Variants in CD44 observed in about 807,000 individuals in gnomAD.
The protein encoded by CD44 is CD44 antigen.
CD44 carries 49 observed loss-of-function variants against 88.8 expected under a neutral mutation model. The observed-to-expected ratio is 0.55, with a 90% CI of 0.44 to 0.70. The LOEUF is 0.70. CD44 is among the 30% of genes least tolerant of loss of function. CD44 has a pLI of 0.00. For missense variants in CD44, 883 were observed against 913.8 expected (o/e 0.97, Z 0.43); for synonymous variants, 325 against 312.3 (o/e 1.04, Z -0.43).
At chr11:35,178,236 C>T (rs1311547738) in intron 2 of CD44, among the ~76,000 whole-genome samples, 2 of 152,238 alleles carry the variant, frequency 1.3e-5, no homozygotes, top group African/African-American at 2.4e-5. Flanking sequence ...ACAAGGCATA[C>T]TTGCAAAATA....
In CD44 at chr11:35,214,902, T is replaced by C. The variant is rs1270822701; in HGVS notation, c.1861T>C (p.Ser621Pro). The C allele has an allele frequency of 1.3e-6, 2 of 1,557,796 alleles. No individual in the cohort carries two copies. The highest frequency in any genetic ancestry group is 2.4e-5 in the East Asian group (1 of 41,572). ...PSGGSHTTHG[S>P]ESDGHSHGSQ... ...TGGGGGGTCCCATACCACTCATGGA[T>C]CTGAATCAGATGGTGAGTTCAAAAC... Residue 621 changes from serine (S) to proline (P), a missense_variant, in exon 15 of 18, where the codon TCT becomes CCT. Transcript: ENST00000428726.
intron 1 of CD44, among the ~76,000 whole-genome samples, chr11:35,149,350 T>C (rs1163227582): frequency 6.6e-6 from 1 of 152,172 alleles, no homozygotes; most frequent in African/African-American, 2.4e-5. Context: ...ATAAGAGTCA[T>C]TTAGAAGGTA....
chr11:35,157,321 GTCTATCTA>G (rs3838798), intron 1 of CD44, among the ~76,000 whole-genome samples: 2,735 of 147,276 alleles, frequency 0.019, 44 homozygotes, highest in African/African-American at 0.046. Context: ...CTGTCTGTCT[GTCTATCTA>G]TCTATCTATC....
intron 17 of CD44, among the ~76,000 whole-genome samples, chr11:35,226,321 C>G (rs777766036): frequency 5.3e-5 from 8 of 152,198 alleles, no homozygotes; most frequent in Non-Finnish European, 1.0e-4. Context: ...CACTTTCCCA[C>G]AATATTTCAT....
chr11:35,210,640 T>A (rs550096160), intron 13 of CD44: 6 of 153,002 alleles, frequency 3.9e-5, no homozygotes, highest in Non-Finnish European at 8.7e-5. Context: ...TTTGCTATGA[T>A]TTCAGTTCTT....
chr11:35,208,214 T>C lies in CD44; in HGVS notation c.1516+8T>C, dbSNP rs573272706. 8 of 1,564,774 alleles carry C rather than the reference T, an allele frequency of 5.1e-6. No individual in the cohort carries two copies. The highest frequency in any genetic ancestry group is 7.0e-6 in the Non-Finnish European group (8 of 1,135,170). The stretch of plus-strand genomic sequence containing the variant: ...CTCTTTCAATGACAACGCGTAAGAA[T>C]AACGATGCTCAGCCACTTTATTGAC... On this transcript the variant is annotated splice_region_variant and intron_variant, in intron 12 of 17. Transcript: ENST00000428726.
At chr11:35,204,685 T>G in intron 10 of CD44, 45 bp downstream of exon 10, 1 of 1,585,834 alleles carries the variant, frequency 6.3e-7, no homozygotes, top group Non-Finnish European at 8.6e-7. Context: ...AACTTCCTTT[T>G]GGGTTAAACG....
intron 1 of CD44, among the ~76,000 whole-genome samples, chr11:35,164,689 G>A (rs1029498273): frequency 6.6e-6 from 1 of 152,228 alleles, no homozygotes; most frequent in African/African-American, 2.4e-5. Context: ...CTCAAACTTT[G>A]CTATCTCCTC....
At chr11:35,155,622 A>G (rs999764910) in intron 1 of CD44, among the ~76,000 whole-genome samples, 60 of 152,206 alleles carry the variant, frequency 3.9e-4, no homozygotes, top group African/African-American at 1.4e-3. Flanking sequence ...ATCTGTTATA[A>G]TTTACAAGAA....
chr11:35,222,405 A>G (rs1949375087), intron 17 of CD44: 1 of 1,299,182 alleles, frequency 7.7e-7, no homozygotes, highest in Non-Finnish European at 1.0e-6. Flanking sequence ...GCATAAGAAG[A>G]GCACTGTTTC....
At chr11:35,220,563 C>A (rs927322225) in intron 16 of CD44, among the ~76,000 whole-genome samples, 4 of 152,100 alleles carry the variant, frequency 2.6e-5, no homozygotes, top group Non-Finnish European at 4.4e-5. Context: ...CACTTTGCAA[C>A]TGAATTTAGT....
chr11:35,175,781 T>C (rs1292938248), intron 1 of CD44, among the ~76,000 whole-genome samples: 3 of 152,202 alleles, frequency 2.0e-5, no homozygotes, highest in Admixed American at 1.3e-4. Flanking sequence ...TTGAGCTTAA[T>C]ATCATGGTGC....
At chr11:35,154,549 A>G (rs1941601855) in intron 1 of CD44, among the ~76,000 whole-genome samples, 1 of 152,268 alleles carries the variant, frequency 6.6e-6, no homozygotes, top group Non-Finnish European at 1.5e-5. Flanking sequence ...TATAGGCACT[A>G]GCTAATTCAA....
Position 35,204,819 on chromosome 11 carries a change from G to GAACAGGA in CD44, c.1282+181_1282+187dup. On this transcript the variant is annotated intron_variant, in intron 10 of 17. Coordinates refer to ENST00000428726, the MANE Select transcript of CD44 (RefSeq NM_000610.4). ...CTTAAAGGCTCATAACAAGTCACCT[G>GAACAGGA]AACAGGAATGGATACAAGCCAGTTA... 1.1e-5 allele frequency: 6 copies of GAACAGGA among 562,402 alleles called. No homozygotes were observed. The South Asian group carries it at 1.3e-4, about 12-fold the overall frequency. The allele number at this position is 562,402 out of a possible 1,614,324, so 34.8% of individuals were successfully genotyped here. A position where few individuals can be genotyped will look rare whatever the true frequency, so the allele number is the denominator to read the frequency against.
At chr11:35,179,774 G>A (rs1053190953) in intron 2 of CD44, among the ~76,000 whole-genome samples, 1 of 152,184 alleles carries the variant, frequency 6.6e-6, no homozygotes, top group Non-Finnish European at 1.5e-5. Flanking sequence ...GAAAAGTTGT[G>A]GCTGAGAAAG....
intron 3 of CD44, among the ~76,000 whole-genome samples, chr11:35,185,007 TAA>T (rs1428815934): frequency 2.6e-5 from 4 of 152,202 alleles, no homozygotes; most frequent in African/African-American, 9.7e-5. Context: ...CCAAGACAGA[TAA>T]AGTTATTACT....
chr11:35,209,091 T>G (rs968260914), intron 12 of CD44, among the ~76,000 whole-genome samples: 2 of 152,242 alleles, frequency 1.3e-5, no homozygotes, highest in Non-Finnish European at 2.9e-5. Context: ...GTTCTGACAT[T>G]GGGTTTGGGA....
chr11:35,185,235 A>C (rs1317233216), intron 3 of CD44, among the ~76,000 whole-genome samples: 1 of 152,214 alleles, frequency 6.6e-6, no homozygotes, highest in Admixed American at 6.5e-5. Context: ...TGGCCTCGCC[A>C]AGGAGGTGAT....
chr11:35,139,467 G>A, intron 1 of CD44, 97 bp downstream of exon 1: 1 of 1,060,576 alleles, frequency 9.4e-7, no homozygotes, highest in Non-Finnish European at 1.4e-6. Flanking sequence ...CTGGGGGACT[G>A]GAGTCAAGTG....
Sources: gnomAD v4.1 joint callset for allele counts (sites outside exome capture counted in the v4.1 genomes callset) on GRCh38, gnomAD v4.1.1 for gene constraint, MANE v1.5 for transcripts, NCBI Gene and HGNC (gene_info 2026-07-23, HGNC 2026-07-21) for gene names.